SPTBN4: variants seen among roughly 807,000 people sequenced by gnomAD.
SPTBN4 encodes the protein spectrin beta, non-erythrocytic 4.
Under a neutral mutation model 277.8 loss-of-function variants are expected in SPTBN4, and 96 were observed. The ratio of observed to expected loss-of-function variants is 0.35; its 90% CI spans 0.29 to 0.41. SPTBN4 has a LOEUF of 0.41. Ranked by LOEUF, SPTBN4 falls within the 10% of genes least tolerant of loss-of-function variation. The pLI is 1.00. For synonymous variants in SPTBN4, 1,481 were observed against 1,580.3 expected (o/e 0.94, Z 1.49); for missense variants, 3,006 against 3,595.7 (o/e 0.84, Z 4.19).
intron 35 of SPTBN4, chr19:40,572,701 G>A (rs1047897977): frequency 3.2e-6 from 1 of 314,788 alleles, no homozygotes; most frequent in East Asian, 6.6e-5. Context: ...GCTCACGCTT[G>A]TAATCCCAGT....
chr19:40,493,206 C>T, intron 5 of SPTBN4, 152 bp downstream of exon 5: 1 of 636,344 alleles, frequency 1.6e-6, no homozygotes. Context: ...AAAATATGTC[C>T]ACTTCTCCAG....
Position 40,566,220 on chromosome 19 carries a change from C to T in SPTBN4, c.6197C>T (p.Ala2066Val), listed in dbSNP as rs2081090694. ...EAVVADAWLT[A>V]QEPLLQSREL... The stretch of plus-strand genomic sequence containing the variant: ...GTGGTGGCTGATGCCTGGCTGACAG[C>T]CCAGGAGCCGCTCCTGCAGAGCCGG... Residue 2066 changes from alanine (A) to valine (V), a missense_variant, in exon 30 of 36, where the codon GCC (alanine) becomes GTC (valine). This residue lies in a region of SPTBN4 where 425 missense variants were observed against 594.7 expected (regional missense o/e 0.71). Coordinates refer to ENST00000598249, the MANE Select transcript of SPTBN4 (RefSeq NM_020971.3). The T allele has an allele frequency of 1.3e-6, 2 of 1,552,632 alleles. No individual in the cohort carries two copies. Among genetic ancestry groups the T allele is most frequent in the South Asian group, 2.4e-5 (2 of 84,172 alleles).
chr19:40,488,071 G>C (rs761509968), intron 3 of SPTBN4, among the ~76,000 whole-genome samples: 24 of 151,986 alleles, frequency 1.6e-4, no homozygotes, highest in Non-Finnish European at 2.8e-4. Flanking sequence ...GGCTGGAACC[G>C]AAGCTGATGG....
At chr19:40,495,120 C>A in intron 6 of SPTBN4, 143 bp downstream of exon 6, 1 of 746,580 alleles carries the variant, frequency 1.3e-6, no homozygotes, top group East Asian at 2.7e-5. Context: ...ATACAGTTTT[C>A]TTTCCCTTCA....
rs956223095 is a variant in SPTBN4, at chr19:40,515,904, TATATATATACACACAC to T, written c.2903+472_2903+487del. Among the ~76,000 whole-genome samples, 2 of 122,986 alleles carry T rather than the reference TATATATATACACACAC, an allele frequency of 1.6e-5. No individual in the cohort carries two copies. The highest frequency in any genetic ancestry group is 3.3e-5 in the Non-Finnish European group (2 of 59,904). The allele number at this position is 122,986 out of a possible 152,430, so 80.7% of individuals were successfully genotyped here. ...CACACACACACACACACACACAAAA[TATATATATACACACAC>T]ATATATATACACACATATATACGTA... is the stretch of plus-strand genomic sequence containing the variant. On this transcript the variant is annotated intron_variant, in intron 15 of 35. Transcript: ENST00000598249. The surrounding 1 kb of genome is among the most constrained non-coding windows in gnomAD (Gnocchi z 4.1).
intron 20 of SPTBN4, among the ~76,000 whole-genome samples, chr19:40,546,433 T>C (rs754520972): frequency 6.6e-6 from 1 of 152,102 alleles, no homozygotes; most frequent in Admixed American, 6.6e-5. Context: ...GAACAAATCA[T>C]AACTGGAGGC....
chr19:40,472,248 T>G (rs915422523), intron 1 of SPTBN4, among the ~76,000 whole-genome samples: 1 of 152,022 alleles, frequency 6.6e-6, no homozygotes, highest in African/African-American at 2.4e-5. Flanking sequence ...TTTCACCATG[T>G]TGCCCAGGCT....
chr19:40,506,840 C>T (rs2080336427), intron 13 of SPTBN4, among the ~76,000 whole-genome samples: 1 of 151,934 alleles, frequency 6.6e-6, no homozygotes, highest in Admixed American at 6.6e-5. Flanking sequence ...AATAAATTAG[C>T]CAGGCACGGT....
chr19:40,541,432 G>T (rs1469927337), intron 20 of SPTBN4, among the ~76,000 whole-genome samples: 2 of 152,306 alleles, frequency 1.3e-5, no homozygotes, highest in East Asian at 1.9e-4. Context: ...CCCAGACGGA[G>T]CCCAGCTGCC....
chr19:40,475,791 G>A (rs2079940421), intron 2 of SPTBN4, among the ~76,000 whole-genome samples: 1 of 150,446 alleles, frequency 6.6e-6, no homozygotes, highest in South Asian at 2.2e-4. Flanking sequence ...GAAACCTGTA[G>A]TCCCAGCACT....
rs540058459 is a variant in SPTBN4 at position 40,472,665 on chromosome 19, C to T, written c.44C>T (p.Pro15Leu). The T allele has an allele frequency of 6.2e-6, 10 of 1,613,926 alleles. No individual in the cohort carries two copies. In the South Asian group the frequency reaches 1.1e-4, roughly 18 times the overall value. Residue 15 changes from proline to leucine, a missense_variant, in exon 2 of 36, where the codon CCT becomes CTT. Transcript: ENST00000598249. ...GAAGTGGACAACATGGAGGGCCTGC[C>T]TGCTCCTAACAACAACCCTGCTGCC... is the stretch of plus-strand genomic sequence containing the variant. Reference protein sequence around the residue: ...PGEVDNMEGLPAPNNNPAARW... With the variant: ...PGEVDNMEGLLAPNNNPAARW...
In SPTBN4 at chr19:40,504,043, G is replaced by A. The variant is rs776277349; in HGVS notation, c.1576G>A (p.Ala526Thr). The change falls in exon 12 of 36, where the codon GCC becomes ACC. Residue 526 changes from alanine to threonine, a missense_variant. Ala to Thr is a moderately conservative substitution (Grantham distance 58, BLOSUM62 0). This residue lies in a region of SPTBN4 where 1,759 missense variants were observed against 2,061.5 expected (regional missense o/e 0.85). Transcript: ENST00000598249. ...GGCCCTGCTAACTGGGCTTGTGGGTGCCCGGCGGACACGACTTGAGCAGAA... is the reference window on the plus strand; with the variant it reads ...GGCCCTGCTAACTGGGCTTGTGGGTACCCGGCGGACACGACTTGAGCAGAA... ...QWALLTGLVG[A>T]RRTRLEQNLA... The A allele has an allele frequency of 6.2e-7, 1 of 1,613,108 alleles. No individual in the cohort carries two copies. Among genetic ancestry groups the A allele is most frequent in the Non-Finnish European group, 8.5e-7 (1 of 1,179,380 alleles).
chr19:40,543,438 C>T (rs1174606912), intron 20 of SPTBN4, among the ~76,000 whole-genome samples: 1 of 151,942 alleles, frequency 6.6e-6, no homozygotes, highest in Admixed American at 6.6e-5. Flanking sequence ...TTTCATTTGC[C>T]CTTCAGGAAG....
intron 6 of SPTBN4, among the ~76,000 whole-genome samples, chr19:40,497,080 A>T (rs993004747): frequency 3.4e-4 from 51 of 151,484 alleles, no homozygotes; most frequent in South Asian, 2.1e-4. Context: ...CTCAAAAAAA[A>T]AAAAAAAAAA....
chr19:40,573,038 A>AT (rs1352120199), intron 35 of SPTBN4, among the ~76,000 whole-genome samples: 3 of 151,500 alleles, frequency 2.0e-5, no homozygotes, highest in African/African-American at 7.3e-5. Context: ...GTTGGGCACC[A>AT]TGGCTCAGGC....
At position 40,519,452 on chromosome 19, in the gene SPTBN4, G is replaced by C. The variant is rs1247457092; in HGVS notation, c.2955G>C (p.Ala985=). 2.5e-6 allele frequency: 4 copies of C among 1,604,062 alleles called. No individual in the cohort carries two copies. In the Middle Eastern group the frequency reaches 5.0e-4, roughly 199 times the overall value. Residue 985 remains alanine (A), a synonymous_variant, in exon 16 of 36, where the codon GCG becomes GCC. Transcript: ENST00000598249. The surrounding 1 kb of genome is among the most constrained non-coding windows in gnomAD (Gnocchi z 5.7). ...AACAGCGCAAAGAGGAAATGAGCGC[G>C]GTGCTGCTGGTGGAGAACCACGTGC... is the stretch of plus-strand genomic sequence containing the variant. ...LVEQRKEEMS[A]VLLVENHVLE... is the part of the protein sequence containing the mutation.
chr19:40,502,374 G>T lies in SPTBN4; in HGVS notation c.1086-16G>T, dbSNP rs2080273225. 1.2e-6 allele frequency: 2 copies of T among 1,610,858 alleles called. No individual in the cohort carries two copies. The highest frequency in any genetic ancestry group is 1.7e-6 in the Non-Finnish European group (2 of 1,178,468). The stretch of plus-strand genomic sequence containing the variant: ...GGTGGCATGACGGCAGGGCTCCTGA[G>T]CTCATGCCCCTTCAGGTTCCAGGAG... On this transcript the variant is annotated splice_polypyrimidine_tract_variant and intron_variant, in intron 9 of 35. Coordinates refer to ENST00000598249, the MANE Select transcript of SPTBN4 (RefSeq NM_020971.3). The surrounding 1 kb of genome is among the most constrained non-coding windows in gnomAD (Gnocchi z 4.9).
At chr19:40,574,126 A>G (rs2081179700) in intron 35 of SPTBN4, among the ~76,000 whole-genome samples, 2 of 150,906 alleles carry the variant, frequency 1.3e-5, no homozygotes, top group African/African-American at 4.8e-5. Context: ...AAACAAAACA[A>G]AACAAAACAA....
intron 12 of SPTBN4, among the ~76,000 whole-genome samples, chr19:40,504,891 G>A (rs2080307791): frequency 6.6e-6 from 1 of 151,970 alleles, no homozygotes; most frequent in South Asian, 2.1e-4. Flanking sequence ...TAGAGATATA[G>A]AAACAGAGTA....
Sources: gnomAD v4.1 joint callset for allele counts (sites outside exome capture counted in the v4.1 genomes callset) on GRCh38, gnomAD v4.1.1 for gene constraint, gnomAD v4.1.1 regional missense constraint, Gnocchi (gnomAD v3.1) non-coding constraint, MANE v1.5 for transcripts, NCBI Gene and HGNC (gene_info 2026-07-23, HGNC 2026-07-21) for gene names.